The following GRM1 variants were observed in gnomAD, a reference collection of about 807,000 sequenced individuals.
The protein encoded by GRM1 is glutamate metabotropic receptor 1, also known as metabotropic glutamate receptor 1.
A neutral mutation model predicts 90.9 loss-of-function variants in GRM1; 33 were observed. The ratio of observed to expected loss-of-function variants is 0.36; its 90% confidence interval spans 0.28 to 0.49. GRM1 has a LOEUF of 0.49. Among genes scored for constraint, GRM1 ranks in the 20% least tolerant of loss-of-function variants. GRM1 has a pLI of 0.99. For missense variants in GRM1, 1,190 were observed against 1,534.3 expected (o/e 0.78, Z 3.75); for synonymous variants, 700 against 613.2 (o/e 1.14, Z -2.09).
intron 3 of GRM1, among the ~76,000 whole-genome samples, chr6:146,348,999 T>C (rs1038803911): frequency 7.9e-5 from 12 of 151,854 alleles, no homozygotes; most frequent in African/African-American, 2.9e-4. Context: ...GTAAGCATTA[T>C]AGCTCATTTA....
At chr6:146,313,857 C>G (rs1425512678) in intron 3 of GRM1, among the ~76,000 whole-genome samples, 1 of 151,974 alleles carries the variant, frequency 6.6e-6, no homozygotes, top group African/African-American at 2.4e-5. Context: ...CTCTCGTCTA[C>G]CCCTCTTCAT....
At chr6:146,216,688 C>T (rs903820344) in intron 2 of GRM1, among the ~76,000 whole-genome samples, 29 of 152,200 alleles carry the variant, frequency 1.9e-4, no homozygotes, top group Non-Finnish European at 3.8e-4. Flanking sequence ...AGTCCTGTTC[C>T]TCTAAACTGT....
At chr6:146,041,830 T>G (rs1791121133) in intron 1 of GRM1, among the ~76,000 whole-genome samples, 1 of 151,986 alleles carries the variant, frequency 6.6e-6, no homozygotes, top group African/African-American at 2.4e-5. Context: ...CTCCACCATT[T>G]TGGTGATGTC....
intron 1 of GRM1, among the ~76,000 whole-genome samples, chr6:146,059,003 A>C (rs915065478): frequency 3.3e-5 from 5 of 152,166 alleles, no homozygotes; most frequent in African/African-American, 1.2e-4. Context: ...AAAGACCTTC[A>C]TGAAGGGTGG....
chr6:146,230,890 T>G (rs531426170), intron 2 of GRM1, among the ~76,000 whole-genome samples: 1 of 152,092 alleles, frequency 6.6e-6, no homozygotes, highest in Non-Finnish European at 1.5e-5. Flanking sequence ...TATTTCTAAG[T>G]GAGAGATGTC....
intron 1 of GRM1, among the ~76,000 whole-genome samples, chr6:146,158,571 A>G (rs374213082): frequency 6.6e-6 from 1 of 152,178 alleles, no homozygotes; most frequent in Non-Finnish European, 1.5e-5. Context: ...TCCACATACA[A>G]GTGAAAATCC....
chr6:146,192,168 A>C (rs1778954914), intron 2 of GRM1, among the ~76,000 whole-genome samples: 2 of 152,184 alleles, frequency 1.3e-5, no homozygotes, highest in South Asian at 2.1e-4. Flanking sequence ...GTGGAATAAT[A>C]ATGTTCTGCC....
intron 7 of GRM1, among the ~76,000 whole-genome samples, chr6:146,410,870 C>G (rs148786991): frequency 1.3e-5 from 2 of 152,046 alleles, no homozygotes; most frequent in Non-Finnish European, 2.9e-5. Flanking sequence ...GTATGTGAAG[C>G]CAAAAGTTAT....
chr6:146,127,149 A>G (rs868143315), intron 1 of GRM1, among the ~76,000 whole-genome samples: 7 of 152,312 alleles, frequency 4.6e-5, no homozygotes, highest in Middle Eastern at 3.4e-3. Context: ...TTTCAAAAGC[A>G]TAGTTACATT....
At chr6:146,165,341 T>G (rs1777869942) in intron 2 of GRM1, among the ~76,000 whole-genome samples, 1 of 152,144 alleles carries the variant, frequency 6.6e-6, no homozygotes, top group African/African-American at 2.4e-5. Flanking sequence ...CACGGTGTTA[T>G]GTTTCATATA....
intron 3 of GRM1, among the ~76,000 whole-genome samples, chr6:146,336,602 G>A (rs140865978): frequency 2.3e-4 from 35 of 152,322 alleles, no homozygotes; most frequent in African/African-American, 5.3e-4. Flanking sequence ...CAGCTGTGCT[G>A]TGAGTGTTCT....
intron 1 of GRM1, among the ~76,000 whole-genome samples, chr6:146,070,905 A>C (rs1402214630): frequency 6.6e-6 from 1 of 152,166 alleles, no homozygotes; most frequent in Non-Finnish European, 1.5e-5. Context: ...ACTGAAACAC[A>C]ATAACTTGTA....
chr6:146,186,821 CTA>C (rs1778751138), intron 2 of GRM1, among the ~76,000 whole-genome samples: 1 of 152,186 alleles, frequency 6.6e-6, no homozygotes, highest in Non-Finnish European at 1.5e-5. Context: ...GCTGTTCGCA[CTA>C]TGTGTCCATT....
At chr6:146,084,490 A>G (rs1054344040) in intron 1 of GRM1, among the ~76,000 whole-genome samples, 1 of 151,944 alleles carries the variant, frequency 6.6e-6, no homozygotes, top group African/African-American at 2.4e-5. Flanking sequence ...TAATTTAATT[A>G]TTTACCCAGG....
At chr6:146,298,691 A>G (rs1783269885) in intron 2 of GRM1, among the ~76,000 whole-genome samples, 1 of 152,128 alleles carries the variant, frequency 6.6e-6, no homozygotes, top group Non-Finnish European at 1.5e-5. Context: ...AATGACATAG[A>G]AATAGGGTCT....
chr6:146,378,119 A>G lies in GRM1; in HGVS notation c.1603-8771A>G, dbSNP rs1321417558. Among the ~76,000 whole-genome samples the G allele has an allele frequency of 2.0e-5, 3 of 152,316 alleles. No individual in the cohort carries two copies. In the East Asian group the frequency reaches 5.8e-4, roughly 29 times the overall value. On this transcript the variant is annotated intron_variant, in intron 5 of 7. Coordinates refer to ENST00000282753, the MANE Select transcript of GRM1 (RefSeq NM_001278064.2). ...CCTAGATTTCAGAGGATACATGGAAATACCTGAATGTCCAGGCAGAGGTGT... is the reference window on the plus strand; with the variant it reads ...CCTAGATTTCAGAGGATACATGGAAGTACCTGAATGTCCAGGCAGAGGTGT...
chr6:146,151,626 T>C (rs761224750), intron 1 of GRM1, among the ~76,000 whole-genome samples: 2 of 152,162 alleles, frequency 1.3e-5, no homozygotes, highest in Non-Finnish European at 2.9e-5. Flanking sequence ...TCACTATAAA[T>C]CAATTTTTCT....
At chr6:146,337,541 C>G (rs1784817885) in intron 3 of GRM1, among the ~76,000 whole-genome samples, 1 of 152,138 alleles carries the variant, frequency 6.6e-6, no homozygotes, top group South Asian at 2.1e-4. Context: ...GCTTCCTAGT[C>G]TCTGGGATTG....
chr6:146,349,403 G>A (rs1340865977), intron 3 of GRM1, among the ~76,000 whole-genome samples: 1 of 151,934 alleles, frequency 6.6e-6, no homozygotes, highest in Non-Finnish European at 1.5e-5. Flanking sequence ...TTGTAGATAT[G>A]AAGCTATTGC....
Sources: gnomAD v4.1 joint callset for allele counts (sites outside exome capture counted in the v4.1 genomes callset) on GRCh38, gnomAD v4.1.1 for gene constraint, MANE v1.5 for transcripts, NCBI Gene and HGNC (gene_info 2026-07-23, HGNC 2026-07-21) for gene names.